The following LUZP2 variants were observed in gnomAD, a reference collection of about 807,000 sequenced individuals.
LUZP2 encodes leucine zipper protein 2.
Under a neutral mutation model 51.6 loss-of-function variants are expected in LUZP2, and 52 were observed. The ratio of observed to expected loss-of-function variants is 1.01; its 90% confidence interval spans 0.81 to 1.27. LUZP2 has a LOEUF of 1.27. LUZP2 is among the 50% of genes most tolerant of loss of function. The probability of loss-of-function intolerance (pLI) is 0.00; values close to 1 mark genes in which losing one functional copy is unlikely to be tolerated. For synonymous variants in LUZP2, 154 were observed against 137.3 expected (o/e 1.12, Z -0.85); for missense variants, 436 against 395.4 (o/e 1.10, Z -0.87).
intron 1 of LUZP2, among the ~76,000 whole-genome samples, chr11:24,518,073 G>T (rs1850534986): frequency 6.6e-6 from 1 of 151,842 alleles, no homozygotes; most frequent in Admixed American, 6.6e-5. Flanking sequence ...TTAGAGGGAG[G>T]GGATAAAAGG....
At chr11:24,774,095 C>T (rs1292770660) in intron 5 of LUZP2, among the ~76,000 whole-genome samples, 1 of 151,776 alleles carries the variant, frequency 6.6e-6, no homozygotes, top group Non-Finnish European at 1.5e-5. Flanking sequence ...TGGGTGGGCA[C>T]AATCTAATCA....
At chr11:24,534,465 G>A (rs1851108720) in intron 1 of LUZP2, among the ~76,000 whole-genome samples, 1 of 150,874 alleles carries the variant, frequency 6.6e-6, no homozygotes, top group Non-Finnish European at 1.5e-5. Flanking sequence ...TAGAGCATAA[G>A]CTATTTTGTA....
intron 9 of LUZP2, among the ~76,000 whole-genome samples, chr11:25,047,749 A>T (rs903595977): frequency 2.0e-5 from 3 of 152,008 alleles, no homozygotes; most frequent in Non-Finnish European, 4.4e-5. Context: ...ATTTTTGCCT[A>T]TGTACTGTTG....
At chr11:24,976,793 G>A in intron 8 of LUZP2, 128 bp downstream of exon 8, 1 of 513,456 alleles carries the variant, frequency 1.9e-6, no homozygotes, top group Non-Finnish European at 3.2e-6. Flanking sequence ...GTGTATATAA[G>A]ATAGTTACAG....
chr11:24,943,422 A>G (rs1013389275), intron 7 of LUZP2, among the ~76,000 whole-genome samples: 1 of 152,080 alleles, frequency 6.6e-6, no homozygotes, highest in African/African-American at 2.4e-5. Context: ...GTATTTGTCC[A>G]ATTAATTCTC....
At chr11:24,997,113 T>C (rs1339866602) in intron 9 of LUZP2, among the ~76,000 whole-genome samples, 3 of 150,488 alleles carry the variant, frequency 2.0e-5, no homozygotes, top group Admixed American at 6.7e-5. Flanking sequence ...GCATGATTTA[T>C]AGTCCTTTGG....
intron 1 of LUZP2, among the ~76,000 whole-genome samples, chr11:24,504,973 C>T (rs1035324575): frequency 2.6e-5 from 4 of 152,172 alleles, no homozygotes; most frequent in Non-Finnish European, 4.4e-5. Flanking sequence ...CTGAAGGTCA[C>T]AAGCATTTGG....
chr11:24,674,598 A>T (rs1241889096), intron 1 of LUZP2, among the ~76,000 whole-genome samples: 2 of 152,144 alleles, frequency 1.3e-5, no homozygotes, highest in African/African-American at 4.8e-5. Context: ...CTATTATCTT[A>T]TTTAGTTCAT....
At chr11:24,679,206 C>G (rs1856658158) in intron 1 of LUZP2, among the ~76,000 whole-genome samples, 1 of 152,162 alleles carries the variant, frequency 6.6e-6, no homozygotes, top group African/African-American at 2.4e-5. Context: ...CATATCTCAA[C>G]TCTGATCTTT....
At chr11:24,889,919 G>A (rs1386237) in intron 5 of LUZP2, among the ~76,000 whole-genome samples, 69,482 of 151,918 alleles carry the variant, frequency 0.46, 16,167 homozygotes, top group Admixed American at 0.51. Context: ...TCATCCAGGT[G>A]CATTGTACAA....
chr11:24,957,972 G>T (rs1357231414), intron 7 of LUZP2, among the ~76,000 whole-genome samples: 1 of 151,902 alleles, frequency 6.6e-6, no homozygotes, highest in Non-Finnish European at 1.5e-5. Flanking sequence ...TCATTGTTCA[G>T]TTCCCACCTA....
rs1352145800 is a variant in LUZP2 at position 24,786,492 on chromosome 11, CT to C, written c.396+23185del. 6.1e-6 allele frequency: 6 copies of C among 975,714 alleles called. No homozygotes were observed. In the Admixed American group the frequency reaches 3.2e-4, roughly 52 times the overall value. 60.4% of individuals were successfully genotyped at this position (975,714 alleles called of 1,614,324 possible). On this transcript the variant is annotated intron_variant, in intron 5 of 11. Coordinates refer to ENST00000336930, the MANE Select transcript of LUZP2 (RefSeq NM_001009909.4). The stretch of plus-strand genomic sequence containing the variant: ...GACTGCCTATTTGTAACACCTTCCC[CT>C]AATGTGAAGAATAAAATATGTGTAT...
At chr11:24,838,898 T>C (rs1274480376) in intron 5 of LUZP2, among the ~76,000 whole-genome samples, 1 of 151,664 alleles carries the variant, frequency 6.6e-6, no homozygotes, top group Non-Finnish European at 1.5e-5. Flanking sequence ...TTTTGAATTC[T>C]CTATGAAGCT....
At chr11:25,044,773 G>A (rs1395307886) in intron 9 of LUZP2, among the ~76,000 whole-genome samples, 1 of 151,682 alleles carries the variant, frequency 6.6e-6, no homozygotes, top group Non-Finnish European at 1.5e-5. Flanking sequence ...TGTTTATTGC[G>A]GCACTATTCA....
chr11:24,675,643 T>C (rs1856517848), intron 1 of LUZP2, among the ~76,000 whole-genome samples: 1 of 152,082 alleles, frequency 6.6e-6, no homozygotes, highest in African/African-American at 2.4e-5. Context: ...GTATTAATAC[T>C]CTAGTGAACA....
At chr11:24,664,873 A>G (rs756047689) in intron 1 of LUZP2, among the ~76,000 whole-genome samples, 3 of 152,114 alleles carry the variant, frequency 2.0e-5, no homozygotes, top group African/African-American at 7.2e-5. Context: ...CTCAAGGAGA[A>G]CCTCTAGTAG....
chr11:24,562,957 A>C (rs574122473), intron 1 of LUZP2, among the ~76,000 whole-genome samples: 1 of 152,278 alleles, frequency 6.6e-6, no homozygotes, highest in African/African-American at 2.4e-5. Context: ...CCTAGGAAGT[A>C]GATAAGCAAC....
chr11:24,567,238 GA>G (rs138401731), intron 1 of LUZP2, among the ~76,000 whole-genome samples: 2,154 of 147,288 alleles, frequency 0.015, 43 homozygotes, highest in South Asian at 0.06. Flanking sequence ...GAGTAGATTT[GA>G]AAAAAAAATC....
intron 7 of LUZP2, among the ~76,000 whole-genome samples, chr11:24,963,485 C>T (rs961342631): frequency 7.2e-5 from 11 of 152,214 alleles, no homozygotes; most frequent in African/African-American, 2.7e-4. Context: ...GCCCCTCCCC[C>T]AGCCCCGCTG....
Sources: allele counts gnomAD v4.1 joint callset (sites outside exome capture counted in the v4.1 genomes callset), GRCh38; gene constraint gnomAD v4.1.1; transcripts MANE v1.5; gene names NCBI Gene and HGNC (gene_info 2026-07-23, HGNC 2026-07-21).